The following PKHD1 variants were observed in gnomAD, a reference collection of about 807,000 sequenced individuals.
PKHD1 encodes fibrocystin.
In PKHD1, 291 loss-of-function variants were observed where a neutral mutation model predicts 412.0. That is an observed-to-expected ratio of 0.71 (90% CI 0.64 to 0.78). The LOEUF (loss-of-function observed/expected upper bound fraction) is 0.78. Ranked by LOEUF, PKHD1 falls within the 30% of genes least tolerant of loss-of-function variation. The pLI is 0.00. For synonymous variants in PKHD1, 1,777 were observed against 1,821.5 expected (o/e 0.98, Z 0.62); for missense variants, 4,825 against 4,950.7 (o/e 0.97, Z 0.76).
intron 52 of PKHD1, among the ~76,000 whole-genome samples, chr6:51,816,837 C>T (rs918409082): frequency 6.6e-6 from 1 of 152,184 alleles, no homozygotes; most frequent in African/African-American, 2.4e-5. Context: ...AGGAGGCTGC[C>T]CAATTTGCAA....
At chr6:51,648,481 T>A (rs1770425647) in intron 62 of PKHD1, among the ~76,000 whole-genome samples, 1 of 151,850 alleles carries the variant, frequency 6.6e-6, no homozygotes, top group Non-Finnish European at 1.5e-5. Flanking sequence ...AGTTGACAGG[T>A]TTTCAAGTGT....
intron 35 of PKHD1, among the ~76,000 whole-genome samples, chr6:51,988,315 C>T (rs1796455406): frequency 1.3e-5 from 2 of 152,024 alleles, no homozygotes; most frequent in African/African-American, 4.8e-5. Context: ...AAATTCTTGA[C>T]AAAATAAATT....
chr6:52,027,744 G>A, intron 31 of PKHD1, 85 bp downstream of exon 31: 1 of 1,032,634 alleles, frequency 9.7e-7, no homozygotes, highest in South Asian at 1.3e-5. Flanking sequence ...TGACCTCACT[G>A]GCAAATTAAT....
intron 43 of PKHD1, among the ~76,000 whole-genome samples, chr6:51,893,937 G>A (rs947563067): frequency 1.1e-4 from 17 of 152,084 alleles, no homozygotes; most frequent in Non-Finnish European, 2.2e-4. Flanking sequence ...GTTTTTCCAC[G>A]GACTATCCTA....
At chr6:51,860,305 G>C (rs1037259928) in intron 48 of PKHD1, among the ~76,000 whole-genome samples, 1 of 152,184 alleles carries the variant, frequency 6.6e-6, no homozygotes, top group Non-Finnish European at 1.5e-5. Context: ...CAAAAATTCA[G>C]TCAGGTCATC....
intron 59 of PKHD1, among the ~76,000 whole-genome samples, chr6:51,745,627 T>A (rs1254841374): frequency 6.6e-6 from 1 of 152,054 alleles, no homozygotes; most frequent in Admixed American, 6.6e-5. Flanking sequence ...TCACTTGAGC[T>A]CAGGAGGTCA....
At chr6:52,072,576 G>A (rs925375925) in intron 7 of PKHD1, among the ~76,000 whole-genome samples, 1 of 152,168 alleles carries the variant, frequency 6.6e-6, no homozygotes, top group African/African-American at 2.4e-5. Context: ...GATGTAGTAG[G>A]AGTTTCTACC....
intron 59 of PKHD1, 95 bp downstream of exon 59, chr6:51,746,626 T>C: frequency 1.2e-6 from 1 of 810,244 alleles, no homozygotes; most frequent in South Asian, 1.4e-5. Flanking sequence ...TCTATTTCTT[T>C]GATGATTTTA....
At chr6:51,727,184 A>C (rs1458465820) in intron 60 of PKHD1, among the ~76,000 whole-genome samples, 2 of 152,188 alleles carry the variant, frequency 1.3e-5, no homozygotes, top group Admixed American at 1.3e-4. Flanking sequence ...CTGCATTTTA[A>C]ACTTTTTTTT....
At chr6:51,789,892 T>C (rs1194463559) in intron 53 of PKHD1, among the ~76,000 whole-genome samples, 1 of 152,168 alleles carries the variant, frequency 6.6e-6, no homozygotes, top group Non-Finnish European at 1.5e-5. Flanking sequence ...CCTGAACCTA[T>C]AGAAATTAGA....
At chr6:51,936,841 A>G (rs1360500860) in intron 36 of PKHD1, among the ~76,000 whole-genome samples, 2 of 152,188 alleles carry the variant, frequency 1.3e-5, no homozygotes, top group African/African-American at 4.8e-5. Context: ...GTACAGCACC[A>G]CATGACAGAT....
chr6:52,081,138 T>C (rs879446092), intron 4 of PKHD1, among the ~76,000 whole-genome samples: 9 of 152,206 alleles, frequency 5.9e-5, no homozygotes, highest in Non-Finnish European at 1.2e-4. Context: ...ATTTCTTTTC[T>C]TTAAAAAGAT....
intron 45 of PKHD1, among the ~76,000 whole-genome samples, chr6:51,884,374 G>A (rs192580796): frequency 1.3e-5 from 2 of 152,054 alleles, no homozygotes; most frequent in Non-Finnish European, 2.9e-5. Flanking sequence ...CTATTTCATT[G>A]ACATATATAT....
intron 60 of PKHD1, among the ~76,000 whole-genome samples, chr6:51,709,044 C>T (rs1052473212): frequency 6.6e-6 from 1 of 152,144 alleles, no homozygotes; most frequent in African/African-American, 2.4e-5. Flanking sequence ...TTGCTAACTC[C>T]TGCCTTAGAT....
At chr6:51,906,485 A>T in intron 40 of PKHD1, 145 bp from the exon 41 acceptor site, 1 of 687,194 alleles carries the variant, frequency 1.5e-6, no homozygotes, top group Admixed American at 2.2e-5. Flanking sequence ...CAGCAATCGA[A>T]TCAAGAGAAT....
chr6:51,665,178 T>C (rs979549944), intron 60 of PKHD1, among the ~76,000 whole-genome samples: 5 of 152,106 alleles, frequency 3.3e-5, no homozygotes, highest in Admixed American at 2.0e-4. Context: ...AAATCTGTAA[T>C]AAATAACAAA....
intron 37 of PKHD1, among the ~76,000 whole-genome samples, chr6:51,929,418 G>T (rs1166330401): frequency 6.6e-6 from 1 of 152,088 alleles, no homozygotes; most frequent in Non-Finnish European, 1.5e-5. Flanking sequence ...ACAGATAAAA[G>T]CAATAAATCA....
intron 63 of PKHD1, among the ~76,000 whole-genome samples, chr6:51,641,482 T>C (rs555284517): frequency 6.6e-6 from 1 of 152,240 alleles, no homozygotes; most frequent in South Asian, 2.1e-4. Flanking sequence ...GAAGACAGTG[T>C]GGTGATTCCT....
rs1227961857 is a variant in PKHD1, at chr6:52,045,088, C to T, written c.2593G>A (p.Val865Ile). 1 of 1,613,282 alleles carries T rather than the reference C, an allele frequency of 6.2e-7. No individual in the cohort carries two copies. Among genetic ancestry groups the T allele is most frequent in the African/African-American group, 1.3e-5 (1 of 75,024 alleles). Residue 865 changes from valine (V) to isoleucine (I), a missense_variant and splice_region_variant, in exon 25 of 67, where the codon GTC (valine) becomes ATC (isoleucine). Transcript: ENST00000371117. ...QIGDLPNFIR[V>I]SDENLTGVNP... Reference sequence around the variant, plus strand: ...ACTCCAGTAAGGTTTTCATCAGAGACCTGAGATGGTTACATTTCTGGTAAA... The same window carrying T: ...ACTCCAGTAAGGTTTTCATCAGAGATCTGAGATGGTTACATTTCTGGTAAA...
Sources: allele counts gnomAD v4.1 joint callset (sites outside exome capture counted in the v4.1 genomes callset), GRCh38; gene constraint gnomAD v4.1.1; transcripts MANE v1.5; gene names NCBI Gene and HGNC (gene_info 2026-07-23, HGNC 2026-07-21).